PHACTR1: variants seen among roughly 807,000 people sequenced by gnomAD.
PHACTR1 encodes phosphatase and actin regulator 1, also known as RPEL repeat containing 1.
Under a neutral mutation model 69.2 loss-of-function variants are expected in PHACTR1, and 16 were observed. The observed-to-expected ratio is 0.23, with a 90% confidence interval of 0.16 to 0.35. PHACTR1 has a LOEUF of 0.35. PHACTR1 is among the 10% of genes least tolerant of loss of function. PHACTR1 has a pLI of 1.00. For missense variants in PHACTR1, 510 were observed against 734.7 expected (o/e 0.69, Z 3.54); for synonymous variants, 312 against 284.5 (o/e 1.10, Z -0.97).
intron 8 of PHACTR1, among the ~76,000 whole-genome samples, chr6:13,216,126 CAGT>C (rs879882327): frequency 1.2e-4 from 18 of 152,156 alleles, no homozygotes; most frequent in Non-Finnish European, 1.9e-4. Flanking sequence ...AAATTGAAAT[CAGT>C]AGACCCTCAA....
At chr6:12,952,162 C>T (rs995271437) in intron 4 of PHACTR1, among the ~76,000 whole-genome samples, 2 of 152,190 alleles carry the variant, frequency 1.3e-5, no homozygotes, top group Non-Finnish European at 2.9e-5. Flanking sequence ...TCCTACCCTA[C>T]GAGTGCACAG....
At chr6:12,903,189 T>A (rs1785381439) in intron 4 of PHACTR1, among the ~76,000 whole-genome samples, 1 of 152,074 alleles carries the variant, frequency 6.6e-6, no homozygotes, top group African/African-American at 2.4e-5. Flanking sequence ...TCCTTATTTA[T>A]AAGGTGGGAA....
chr6:13,260,968 C>T (rs922024488), intron 10 of PHACTR1, among the ~76,000 whole-genome samples: 5 of 152,316 alleles, frequency 3.3e-5, no homozygotes, highest in South Asian at 4.1e-4. Context: ...GTGGTGGGGG[C>T]TGTCCCATGC....
At chr6:13,232,218 G>C (rs576649968) in intron 10 of PHACTR1, among the ~76,000 whole-genome samples, 15 of 152,338 alleles carry the variant, frequency 9.8e-5, no homozygotes, top group African/African-American at 3.4e-4. Context: ...AAGTGAGAAA[G>C]GTGGTGCCTA....
intron 4 of PHACTR1, among the ~76,000 whole-genome samples, chr6:12,953,639 G>A (rs1791544862): frequency 6.6e-6 from 1 of 152,206 alleles, no homozygotes; most frequent in South Asian, 2.1e-4. Flanking sequence ...AGAAATTGGG[G>A]ATATTATAAG....
intron 4 of PHACTR1, among the ~76,000 whole-genome samples, chr6:13,008,708 G>C (rs1799113692): frequency 6.6e-6 from 1 of 152,172 alleles, no homozygotes; most frequent in Admixed American, 6.5e-5. Flanking sequence ...GAACCATTTA[G>C]AAGTACTTTT....
chr6:13,177,172 T>TAAAAAAAAAAAAAAAAAAAAAAAA, intron 6 of PHACTR1, among the ~76,000 whole-genome samples: 1 of 63,366 alleles, frequency 1.6e-5, no homozygotes, highest in East Asian at 6.3e-4. Context: ...ACCCCATCTC[T>TAAAAAAAAAAAAAAAAAAAAAAAA]AAAAAAAAAA....
chr6:13,142,389 C>T (rs954700746), intron 5 of PHACTR1, among the ~76,000 whole-genome samples: 7 of 152,156 alleles, frequency 4.6e-5, no homozygotes, highest in African/African-American at 1.4e-4. Flanking sequence ...CAGGTGTGAG[C>T]CACCGCATCT....
intron 5 of PHACTR1, among the ~76,000 whole-genome samples, chr6:13,105,956 T>C (rs1304596783): frequency 6.6e-6 from 1 of 152,184 alleles, no homozygotes; most frequent in Non-Finnish European, 1.5e-5. Flanking sequence ...ATAACATTGA[T>C]TAGTGATTGG....
At chr6:13,019,181 G>A (rs1800627755) in intron 4 of PHACTR1, among the ~76,000 whole-genome samples, 1 of 151,760 alleles carries the variant, frequency 6.6e-6, no homozygotes, top group African/African-American at 2.4e-5. Flanking sequence ...CCAAAGTGCT[G>A]GGATTACAAG....
chr6:13,256,798 T>C (rs913674228), intron 10 of PHACTR1, among the ~76,000 whole-genome samples: 3 of 148,124 alleles, frequency 2.0e-5, no homozygotes, highest in Non-Finnish European at 4.4e-5. Context: ...TCCATATCAC[T>C]TTGAGCATTT....
intron 3 of PHACTR1, 121 bp from the exon 4 acceptor site, chr6:12,749,523 A>ACCCCTTCCCTTCCTCT (rs746766856): frequency 6.3e-4 from 135 of 214,734 alleles, no homozygotes; most frequent in Non-Finnish European, 9.1e-4. Flanking sequence ...CTCCCTCCCC[A>ACCCCTTCCCTTCCTCT]CCCCTTCCCT....
At chr6:12,728,333 A>C (rs186756111) in intron 3 of PHACTR1, among the ~76,000 whole-genome samples, 1,859 of 152,100 alleles carry the variant, frequency 0.012, 22 homozygotes, top group South Asian at 0.023. Flanking sequence ...AATCAAGAAG[A>C]ATAAAATCAA....
chr6:13,264,893 A>T (rs1302376838), intron 10 of PHACTR1: 1 of 151,002 alleles, frequency 6.6e-6, no homozygotes, highest in African/African-American at 2.4e-5. Flanking sequence ...ATGGTGGTGC[A>T]TGCCTATAGT....
chr6:13,167,990 GT>G (rs1760060723), intron 6 of PHACTR1, among the ~76,000 whole-genome samples: 1 of 152,190 alleles, frequency 6.6e-6, no homozygotes, highest in Non-Finnish European at 1.5e-5. Context: ...AAATCCCATA[GT>G]TTATCTGGTA....
chr6:12,836,396 A>T (rs1778168015), intron 4 of PHACTR1, among the ~76,000 whole-genome samples: 1 of 152,164 alleles, frequency 6.6e-6, no homozygotes, highest in African/African-American at 2.4e-5. Context: ...CAAAGTCAAA[A>T]CCTTGGATTC....
intron 4 of PHACTR1, among the ~76,000 whole-genome samples, chr6:12,866,359 C>T (rs547710342): frequency 1.3e-5 from 2 of 152,222 alleles, no homozygotes; most frequent in Non-Finnish European, 2.9e-5. Context: ...TTAAACTTAA[C>T]CTATGGGCTA....
chr6:12,960,261 GAAA>G (rs1792531433), intron 4 of PHACTR1, among the ~76,000 whole-genome samples: 1 of 152,204 alleles, frequency 6.6e-6, no homozygotes, highest in African/African-American at 2.4e-5. Context: ...CTTAGTGCCT[GAAA>G]AAGTACTTGC....
intron 10 of PHACTR1, among the ~76,000 whole-genome samples, chr6:13,255,001 A>G (rs1014656339): frequency 2.6e-5 from 4 of 152,220 alleles, no homozygotes; most frequent in African/African-American, 9.7e-5. Context: ...CTGCACTGCT[A>G]TAAAGAAATG....
Sources: allele counts gnomAD v4.1 joint callset (sites outside exome capture counted in the v4.1 genomes callset), GRCh38; gene constraint gnomAD v4.1.1; transcripts MANE v1.5; gene names NCBI Gene and HGNC (gene_info 2026-07-23, HGNC 2026-07-21).